Variants in HOXA10 observed in about 807,000 individuals in gnomAD.
HOXA10 encodes the protein homeobox A10.
In HOXA10, 12 loss-of-function variants were observed where a neutral mutation model predicts 29.7. The ratio of observed to expected loss-of-function variants is 0.40; its 90% confidence interval spans 0.26 to 0.65. The LOEUF is 0.65. HOXA10 is among the 30% of genes least tolerant of loss of function. The pLI is 0.37. For missense variants in HOXA10, 656 were observed against 585.9 expected, an observed-to-expected ratio of 1.12 and a Z score of -1.24; for synonymous variants, 327 against 280.7, an observed-to-expected ratio of 1.16 and a Z score of -1.65.
At position 27,174,026 on chromosome 7, in the gene HOXA10, G is replaced by T; in HGVS notation, c.281C>A (p.Pro94Gln). Residue 94 changes from proline to glutamine, a missense_variant, in exon 1 of 2, where the codon CCG (proline) becomes CAG (glutamine). Physicochemically the swap from Pro to Gln is moderately conservative, Grantham distance 76 (BLOSUM62 -1). This residue lies in a region of HOXA10 where 594 missense variants were observed against 491.9 expected (regional missense o/e 1.21). Transcript: ENST00000283921. ...ACCCCCGCCACCGCCACCGCTGCCCGGCGACGCTGCCTCATTGCGCTTGCC... is the reference window on the plus strand; with the variant it reads ...ACCCCCGCCACCGCCACCGCTGCCCTGCGACGCTGCCTCATTGCGCTTGCC... ...LGGKRNEAASPGSGGGGGGLG... is the reference protein window; with the variant it reads ...LGGKRNEAASQGSGGGGGGLG... 1 of 1,530,522 alleles carries T rather than the reference G, an allele frequency of 6.5e-7. No individual in the cohort carries two copies. Among genetic ancestry groups the T allele is most frequent in the Non-Finnish European group, 8.7e-7 (1 of 1,145,124 alleles). 94.8% of individuals were successfully genotyped at this position (1,530,522 alleles called of 1,614,324 possible).
rs1395108356 is a variant in HOXA10, at chr7:27,170,813, TTTTTC to T, written c.*1081_*1085del. 1 of 453,294 alleles carries T rather than the reference TTTTTC, an allele frequency of 2.2e-6. No homozygotes were observed. Among genetic ancestry groups the T allele is most frequent in the Non-Finnish European group, 4.4e-6 (1 of 226,608 alleles). The allele number at this position is 453,294 out of a possible 1,614,324, so 28.1% of individuals were successfully genotyped here. ...TTTATACAGATTTGTATTTATAGTT[TTTTTC>T]TTTTTCTGCATCTACAGGTTTGACC... On this transcript the variant is annotated 3_prime_UTR_variant, in exon 2 of 2. Coordinates refer to ENST00000283921, the MANE Select transcript of HOXA10 (RefSeq NM_018951.4).
chr7:27,174,665 G>T, upstream of HOXA10: 1 of 318,092 alleles, frequency 3.1e-6, no homozygotes, highest in South Asian at 3.4e-5. Flanking sequence ...CAAGTGGGGT[G>T]TTTATGGTGC....
rs983079244 is a variant in HOXA10 at position 27,173,896 on chromosome 7, G to GGGC, written c.408_410dup (p.Pro137dup). The GGGC allele has an allele frequency of 2.3e-5, 35 of 1,535,552 alleles. No homozygotes were observed. The highest frequency in any genetic ancestry group is 1.8e-4 in the Middle Eastern group (1 of 5,508). Reference sequence around the variant, plus strand: ...GCGGCGGGGGCGGCGGCTGCTGCTGGGGCGGCGGCGGCGGCCCGTCAGGCG... The same window carrying GGGC: ...GCGGCGGGGGCGGCGGCTGCTGCTGGGGCGGCGGCGGCGGCGGCCCGTCAGGCG... On this transcript the variant is annotated inframe_insertion, in exon 1 of 2. Transcript: ENST00000283921.
rs943200399 is a variant in HOXA10, at chr7:27,171,514, T to C, written c.*385A>G. On this transcript the variant is annotated 3_prime_UTR_variant, in exon 2 of 2. Transcript: ENST00000283921. ...ACACCTCAGCGCCAACAATGGGACC[T>C]CGGCCTTCCGGCTAGGTTTGCCCCA... The C allele has an allele frequency of 1.1e-5, 5 of 466,680 alleles. No individual in the cohort carries two copies. Among genetic ancestry groups the C allele is most frequent in the Middle Eastern group, 6.5e-4 (1 of 1,538 alleles). The allele number at this position is 466,680 out of a possible 1,614,324, so 28.9% of individuals were successfully genotyped here.
At chr7:27,177,135 A>G (rs1478301921), upstream of HOXA10, among the ~76,000 whole-genome samples, 1 of 152,234 alleles carries the variant, frequency 6.6e-6, no homozygotes, top group Non-Finnish European at 1.5e-5. Flanking sequence ...GTCAGTTTGT[A>G]TCGCATCTGC....
Position 27,174,244 on chromosome 7 carries a change from C to T in HOXA10, c.63G>A (p.Ser21=). The change falls in exon 1 of 2, where the codon TCG becomes TCA. Residue 21 remains serine (S), a synonymous_variant. Coordinates refer to ENST00000283921, the MANE Select transcript of HOXA10 (RefSeq NM_018951.4). ...AAAAAGAGTTCGCGGCGGGGCTCTC[C>T]GAGCATGACATTGTTGTGGGATAAT... ...SPNYPTTMSC[S]ESPAANSFLV... 1 of 1,599,868 alleles carries T rather than the reference C, an allele frequency of 6.3e-7. No homozygotes were observed. The highest frequency in any genetic ancestry group is 1.3e-5 in the African/African-American group (1 of 75,040).
upstream of HOXA10, among the ~76,000 whole-genome samples, chr7:27,178,249 A>G (rs1346238975): frequency 6.6e-6 from 1 of 152,228 alleles, no homozygotes; most frequent in Non-Finnish European, 1.5e-5. Flanking sequence ...CAAAAAAAGA[A>G]AAAAAAATCA....
rs1467771202 is a variant in HOXA10 at position 27,174,139 on chromosome 7, ACCGCCACCG to A, written c.159_167del (p.Gly54_Gly56del). 5 of 1,593,454 alleles carry A rather than the reference ACCGCCACCG, an allele frequency of 3.1e-6. No individual in the cohort carries two copies. The highest frequency in any genetic ancestry group is 3.4e-6 in the Non-Finnish European group (4 of 1,178,012). On this transcript the variant is annotated inframe_deletion, in exon 1 of 2. Coordinates refer to ENST00000283921, the MANE Select transcript of HOXA10 (RefSeq NM_018951.4). ...GGTAGACCCCGCCGTGGGCGTAGTAACCGCCACCGCCGCCGCCCCCCGCGCCACCACCAC... is the reference window on the plus strand; with the variant it reads ...GGTAGACCCCGCCGTGGGCGTAGTAACCGCCGCCCCCCGCGCCACCACCAC...
At chr7:27,174,661 G>T, upstream of HOXA10, 1 of 325,506 alleles carries the variant, frequency 3.1e-6, no homozygotes, top group South Asian at 3.3e-5. Context: ...TTAACAAGTG[G>T]GGTGTTTATG....
chr7:27,174,412 G>T (rs1783608586), upstream of HOXA10: 2 of 1,541,556 alleles, frequency 1.3e-6, no homozygotes, highest in Non-Finnish European at 1.7e-6. Context: ...TCCCAGTTTG[G>T]TTTCGTAGGC....
rs73290345 is a variant in HOXA10 at position 27,179,659 on chromosome 7, C to T, written c.-4G>A. 1.2e-3 allele frequency: 921 copies of T among 779,146 alleles called. 6 individuals are homozygous for T. In the African/African-American group the frequency reaches 0.014, roughly 12 times the overall value. 48.3% of individuals were successfully genotyped at this position (779,146 alleles called of 1,614,324 possible). A position where few individuals can be genotyped will look rare whatever the true frequency, so the allele number is the denominator to read the frequency against. On this transcript the variant is annotated 5_prime_UTR_variant, in exon 1 of 2. Transcript: ENST00000396344. ...GTGGCCTCTTACCTTGACACATTTCCGAAATCACTGCCAAGGGACAGCTGG... is the reference window on the plus strand; with the variant it reads ...GTGGCCTCTTACCTTGACACATTTCTGAAATCACTGCCAAGGGACAGCTGG...
At chr7:27,172,249 G>A in intron 1 of HOXA10, 76 bp from the exon 2 acceptor site, 1 of 1,431,890 alleles carries the variant, frequency 7.0e-7, no homozygotes, top group Non-Finnish European at 9.8e-7. Context: ...AATTGCCTCC[G>A]TTTCTCCCAT....
At chr7:27,177,084 T>C (rs1783665626), upstream of HOXA10, among the ~76,000 whole-genome samples, 1 of 152,176 alleles carries the variant, frequency 6.6e-6, no homozygotes, top group African/African-American at 2.4e-5. Context: ...CTAGGCTGGA[T>C]AGAATCCAGG....
In HOXA10 at chr7:27,172,033, G is replaced by A. The variant is rs1783507703; in HGVS notation, c.1099C>T (p.Leu367=). The change falls in exon 2 of 2, where the codon CTA becomes TTA. Residue 367 remains leucine (L), a synonymous_variant. Transcript: ENST00000283921. ...FNMYLTRERR[L]EISRSVHLTD... is the part of the protein sequence containing the mutation. ...AGGTGGACGCTGCGGCTAATCTCTA[G>A]GCGCCGCTCTCGAGTAAGGTACATA... The A allele has an allele frequency of 6.2e-7, 1 of 1,613,874 alleles. No homozygotes were observed. The highest frequency in any genetic ancestry group is 8.5e-7 in the Non-Finnish European group (1 of 1,179,964).
Position 27,173,459 on chromosome 7 carries a change from C to G in HOXA10, c.848G>C (p.Gly283Ala). 6.3e-7 allele frequency: 1 copy of G among 1,575,952 alleles called. No individual in the cohort carries two copies. The highest frequency in any genetic ancestry group is 8.6e-7 in the Non-Finnish European group (1 of 1,165,414). ...CTCCTCGTCGCCCTGCGAGCCCCCG[C>G]CGCTGCCGCAAGCCAGCGTGGGGGG... ...PPPPTLACGS[G>A]GGSQGDEEAH... Residue 283 changes from glycine to alanine, a missense_variant, in exon 1 of 2, where the codon GGC becomes GCC. Physicochemically the swap from Gly to Ala is moderately conservative, Grantham distance 60. Coordinates refer to ENST00000283921, the MANE Select transcript of HOXA10 (RefSeq NM_018951.4).
At chr7:27,175,707 C>T (rs947520023), upstream of HOXA10, among the ~76,000 whole-genome samples, 4 of 152,186 alleles carry the variant, frequency 2.6e-5, no homozygotes, top group Non-Finnish European at 5.9e-5. Context: ...GCCCCTGGCC[C>T]GTGGGCTACA....
upstream of HOXA10, among the ~76,000 whole-genome samples, chr7:27,177,923 C>A (rs1310295328): frequency 2.0e-5 from 3 of 152,188 alleles, no homozygotes; most frequent in African/African-American, 7.2e-5. Context: ...CCATTTCTAC[C>A]CGGGTAATAA....
rs1265230217 is a variant in HOXA10 at position 27,171,452 on chromosome 7, C to T, written c.*447G>A. The T allele has an allele frequency of 4.4e-6, 2 of 456,728 alleles. No homozygotes were observed. The highest frequency in any genetic ancestry group is 6.9e-5 in the East Asian group (1 of 14,498). The allele number at this position is 456,728 out of a possible 1,614,324, so 28.3% of individuals were successfully genotyped here. A position where few individuals can be genotyped will look rare whatever the true frequency, so the allele number is the denominator to read the frequency against. ...GCACAGCACTCCAGGCAGACATGCC[C>T]GGTGGCGGCTCCTTTGCACCATTGA... On this transcript the variant is annotated 3_prime_UTR_variant, in exon 2 of 2. Coordinates refer to ENST00000283921, the MANE Select transcript of HOXA10 (RefSeq NM_018951.4).
At chr7:27,173,218 C>T (rs1045589645) in intron 1 of HOXA10, 131 bp downstream of exon 1, 1 of 1,436,378 alleles carries the variant, frequency 7.0e-7, no homozygotes. Context: ...AGCAAGTTCA[C>T]AAGGTCAGCC....
Sources: gnomAD v4.1 joint callset for allele counts (sites outside exome capture counted in the v4.1 genomes callset) on GRCh38, gnomAD v4.1.1 for gene constraint, gnomAD v4.1.1 regional missense constraint, MANE v1.5 for transcripts, NCBI Gene and HGNC (gene_info 2026-07-23, HGNC 2026-07-21) for gene names.